TMEM225B: variants seen among roughly 807,000 people sequenced by gnomAD.
The protein encoded by TMEM225B is transmembrane protein 225B.
TMEM225B carries 10 observed loss-of-function variants against 16.9 expected under a neutral mutation model. That is an observed-to-expected ratio of 0.59 (90% CI 0.36 to 1.00). TMEM225B has a LOEUF of 1.00. TMEM225B is among the 50% of genes least tolerant of loss of function. The pLI is 0.01. For missense variants in TMEM225B, 217 were observed against 267.0 expected (o/e 0.81, Z 1.30); for synonymous variants, 92 against 109.8 (o/e 0.84, Z 1.01).
intron 4 of TMEM225B, among the ~76,000 whole-genome samples, chr7:99,607,303 AT>A (rs746401716): frequency 1.3e-4 from 19 of 151,916 alleles, no homozygotes; most frequent in Admixed American, 2.0e-4. Context: ...CCCTTTTGAC[AT>A]TTATAAAGGG....
rs1222737240 is a variant in TMEM225B, at chr7:99,604,584, C to T, written c.196C>T (p.Arg66Ter). The change falls in exon 3 of 6, where the codon CGA becomes TGA. Residue 66 changes from arginine to a stop codon, truncating the protein, a stop_gained. Coordinates refer to ENST00000431679, the MANE Select transcript of TMEM225B (RefSeq NM_001195541.3). LOFTEE classifies it high-confidence loss of function. ...NCFNAKCWKP[R>*]PLSIYIILGR... is the part of the protein sequence containing the mutation. ...CTTCAATGCCAAATGCTGGAAGCCT[C>T]GACCCTTATCCAGTAAGGAGGGATG... is the stretch of plus-strand genomic sequence containing the variant. 44 of 1,535,506 alleles carry T rather than the reference C, an allele frequency of 2.9e-5. No individual in the cohort carries two copies. Among genetic ancestry groups the T allele is most frequent in the Admixed American group, 3.9e-5 (2 of 50,960 alleles).
At chr7:99,604,931 G>A (rs1241021937) in intron 3 of TMEM225B, among the ~76,000 whole-genome samples, 2 of 152,068 alleles carry the variant, frequency 1.3e-5, no homozygotes, top group Non-Finnish European at 1.5e-5. Flanking sequence ...AGAAGTTCGA[G>A]GCTGCAGTGA....
intron 5 of TMEM225B, among the ~76,000 whole-genome samples, chr7:99,609,154 G>T (rs1234127715): frequency 6.6e-6 from 1 of 151,728 alleles, no homozygotes; most frequent in South Asian, 2.1e-4. Context: ...GCAACAGCGG[G>T]ACTCCATCTC....
chr7:99,604,325 C>T, intron 2 of TMEM225B, 61 bp from the exon 3 acceptor site: 1 of 1,117,474 alleles, frequency 8.9e-7, no homozygotes, highest in Non-Finnish European at 1.3e-6. Context: ...CTCCTTCCCT[C>T]TGTGCTGCAG....
intron 5 of TMEM225B, 120 bp from the exon 6 acceptor site, chr7:99,610,272 TA>T: frequency 1.5e-6 from 1 of 666,824 alleles, no homozygotes; most frequent in Non-Finnish European, 2.5e-6. Context: ...TCTCTCTCTG[TA>T]ATACTCTAGA....
At chr7:99,600,409 CG>C in intron 2 of TMEM225B, 124 bp downstream of exon 2, 1 of 654,406 alleles carries the variant, frequency 1.5e-6, no homozygotes, top group Admixed American at 2.3e-5. Flanking sequence ...CAGGCACCCC[CG>C]CCCCCAGGAA....
At chr7:99,604,793 A>C (rs1012108553) in intron 3 of TMEM225B, among the ~76,000 whole-genome samples, 197 bp downstream of exon 3, 1 of 152,160 alleles carries the variant, frequency 6.6e-6, no homozygotes, top group Non-Finnish European at 1.5e-5. Flanking sequence ...CAGGAGTTCA[A>C]GACCAGCCTG....
At position 99,610,488 on chromosome 7, in the gene TMEM225B, G is replaced by C; in HGVS notation, c.589G>C (p.Asp197His). 6.5e-7 allele frequency: 1 copy of C among 1,536,128 alleles called. No homozygotes were observed. The highest frequency in any genetic ancestry group is 8.7e-7 in the Non-Finnish European group (1 of 1,146,914). ...GGAGGACCACGGGAGCCTGTACCTGGACAATCTGGAGAGTTTGGGAGGAGA... is the reference window on the plus strand; with the variant it reads ...GGAGGACCACGGGAGCCTGTACCTGCACAATCTGGAGAGTTTGGGAGGAGA... ...MEEDHGSLYLDNLESLGGEPS... is the reference protein window; with the variant it reads ...MEEDHGSLYLHNLESLGGEPS... Residue 197 changes from aspartate to histidine, a missense_variant, in exon 6 of 6, where the codon GAC becomes CAC. Transcript: ENST00000431679.
At chr7:99,600,333 G>A (rs917214653) in intron 2 of TMEM225B, 48 bp downstream of exon 2, 16 of 702,390 alleles carry the variant, frequency 2.3e-5, no homozygotes, top group Non-Finnish European at 3.4e-5. Context: ...GGAGGGCTGC[G>A]TGGAGTGGAC....
At chr7:99,602,959 T>C (rs1403080846) in intron 2 of TMEM225B, among the ~76,000 whole-genome samples, 3 of 152,108 alleles carry the variant, frequency 2.0e-5, no homozygotes, top group African/African-American at 2.4e-5. Flanking sequence ...GTTCATGCGA[T>C]CCTCCCACCA....
At chr7:99,603,142 GA>G (rs1418865374) in intron 2 of TMEM225B, among the ~76,000 whole-genome samples, 1 of 152,152 alleles carries the variant, frequency 6.6e-6, no homozygotes, top group Non-Finnish European at 1.5e-5. Flanking sequence ...TGAAACACCA[GA>G]ACTCTTTGTA....
In TMEM225B at chr7:99,606,856, A is replaced by G. The variant is rs537351373; in HGVS notation, c.317A>G (p.Lys106Arg). 1 of 1,536,158 alleles carries G rather than the reference A, an allele frequency of 6.5e-7. No individual in the cohort carries two copies. The highest frequency in any genetic ancestry group is 1.4e-5 in the African/African-American group (1 of 73,182). Residue 106 changes from lysine to arginine, a missense_variant, in exon 4 of 6, where the codon AAG (lysine) becomes AGG (arginine). Coordinates refer to ENST00000431679, the MANE Select transcript of TMEM225B (RefSeq NM_001195541.3). ...TCCGAGTTCTTCCCGAGGACCTGGA[A>G]GCAAAACTTTGTGTTAGCCTGCATC... is the stretch of plus-strand genomic sequence containing the variant. ...FASEFFPRTW[K>R]QNFVLACISF...
At chr7:99,604,694 A>G in intron 3 of TMEM225B, 98 bp downstream of exon 3, 1 of 969,918 alleles carries the variant, frequency 1.0e-6, no homozygotes, top group Non-Finnish European at 1.6e-6. Context: ...CAGAGAGGAC[A>G]AAATCTAATT....
intron 2 of TMEM225B, among the ~76,000 whole-genome samples, chr7:99,603,795 T>G (rs1805559774): frequency 6.6e-6 from 1 of 151,806 alleles, no homozygotes; most frequent in South Asian, 2.1e-4. Context: ...AAGGTCTTGC[T>G]CTGTCACCCA....
At chr7:99,606,657 T>G in intron 3 of TMEM225B, 91 bp from the exon 4 acceptor site, 1 of 1,263,898 alleles carries the variant, frequency 7.9e-7, no homozygotes, top group East Asian at 2.6e-5. Context: ...TGGTGGAGGC[T>G]CCGGGGGCCA....
intron 2 of TMEM225B, among the ~76,000 whole-genome samples, chr7:99,603,338 G>C (rs1448402723): frequency 6.6e-6 from 1 of 152,230 alleles, no homozygotes; most frequent in Non-Finnish European, 1.5e-5. Context: ...AAGGAAGACA[G>C]TTGACTGCAA....
chr7:99,610,798 T>G lies in TMEM225B; in HGVS notation c.*233T>G, dbSNP rs1806278579. 1 of 417,372 alleles carries G rather than the reference T, an allele frequency of 2.4e-6. No homozygotes were observed. The highest frequency in any genetic ancestry group is 2.0e-5 in the African/African-American group (1 of 51,184). The allele number at this position is 417,372 out of a possible 1,614,324, so 25.9% of individuals were successfully genotyped here. ...TCCTAAGTGACGTTTTTGCAGGTAT[T>G]TTCAATAAAAAGAAGGGCTACTTTG... On this transcript the variant is annotated 3_prime_UTR_variant, in exon 6 of 6. Coordinates refer to ENST00000431679, the MANE Select transcript of TMEM225B (RefSeq NM_001195541.3).
In TMEM225B at chr7:99,600,191, G is replaced by T. The variant is rs1371010119; in HGVS notation, c.-84-14G>T. ...ACTGCATCACATGATGTGTTTCTGT[G>T]TCTCTCTCCCTAGCAGTTCCAAGAG... On this transcript the variant is annotated splice_polypyrimidine_tract_variant and intron_variant, in intron 1 of 5. Coordinates refer to ENST00000431679, the MANE Select transcript of TMEM225B (RefSeq NM_001195541.3). 1.4e-6 allele frequency: 1 copy of T among 702,968 alleles called. No individual in the cohort carries two copies. The highest frequency in any genetic ancestry group is 2.6e-6 in the Non-Finnish European group (1 of 384,974). 43.5% of individuals were successfully genotyped at this position (702,968 alleles called of 1,614,324 possible).
chr7:99,610,699 C>T lies in TMEM225B; in HGVS notation c.*134C>T. 1 of 640,268 alleles carries T rather than the reference C, an allele frequency of 1.6e-6. No individual in the cohort carries two copies. The allele number at this position is 640,268 out of a possible 1,614,324, so 39.7% of individuals were successfully genotyped here. A position where few individuals can be genotyped will look rare whatever the true frequency, so the allele number is the denominator to read the frequency against. On this transcript the variant is annotated 3_prime_UTR_variant, in exon 6 of 6. Transcript: ENST00000431679. ...CTTGCGTGTCAGATCAACTCTCCAC[C>T]TCCCCATACTCACAGTGATTCTATC... is the stretch of plus-strand genomic sequence containing the variant.
Sources: allele counts gnomAD v4.1 joint callset (sites outside exome capture counted in the v4.1 genomes callset), GRCh38; gene constraint gnomAD v4.1.1; transcripts MANE v1.5; gene names NCBI Gene and HGNC (gene_info 2026-07-23, HGNC 2026-07-21).